CORO2B: variants seen among roughly 807,000 people sequenced by gnomAD.
CORO2B encodes the protein coronin-2B.
A neutral mutation model predicts 58.8 loss-of-function variants in CORO2B; 26 were observed. The ratio of observed to expected loss-of-function variants is 0.44; its 90% CI spans 0.32 to 0.61. CORO2B has a LOEUF of 0.61. Ranked by LOEUF, CORO2B falls within the 20% of genes least tolerant of loss-of-function variation. The pLI, the probability that CORO2B is intolerant of heterozygous loss-of-function variation, is 0.04. For synonymous variants in CORO2B, 242 were observed against 253.8 expected (o/e 0.95, Z 0.44); for missense variants, 460 against 645.1 (o/e 0.71, Z 3.11).
At chr15:68,562,847 G>A in the CORO2B span, among the ~76,000 whole-genome samples, 89 of 151,860 alleles carry the variant, frequency 5.9e-4, no homozygotes, top group Non-Finnish European at 2.4e-4. Flanking sequence ...CGTGGTGGCA[G>A]GCGCCGGTAG....
intron 3 of CORO2B, among the ~76,000 whole-genome samples, chr15:68,700,895 GGTGGGCCGA>G (rs1213014094): frequency 6.6e-6 from 1 of 152,110 alleles, no homozygotes; most frequent in African/African-American, 2.4e-5. Context: ...GCCTCTTGCT[GGTGGGCCGA>G]GCTCCACATC....
intron 2 of CORO2B, among the ~76,000 whole-genome samples, chr15:68,683,803 G>A (rs1354738577): frequency 6.6e-6 from 1 of 152,198 alleles, no homozygotes; most frequent in Non-Finnish European, 1.5e-5. Context: ...TCACAGCCTG[G>A]TGGCAGGGAT....
intron 1 of CORO2B, among the ~76,000 whole-genome samples, chr15:68,585,646 C>T (rs934177017): frequency 6.6e-6 from 1 of 152,166 alleles, no homozygotes; most frequent in Non-Finnish European, 1.5e-5. Context: ...TCCCCACCAA[C>T]CCCCCACCTA....
At chr15:68,673,866 G>A (rs913677022) in intron 2 of CORO2B, among the ~76,000 whole-genome samples, 7 of 146,652 alleles carry the variant, frequency 4.8e-5, no homozygotes, top group African/African-American at 1.7e-4. Context: ...AAAGGACAGT[G>A]TCCCGCTAAG....
At chr15:68,557,094 C>T in the CORO2B span, among the ~76,000 whole-genome samples, 3 of 152,174 alleles carry the variant, frequency 2.0e-5, no homozygotes, top group South Asian at 2.1e-4. Flanking sequence ...AATGTCCCCT[C>T]GGGTAAGAAA....
At chr15:68,612,192 C>G (rs551248243) in intron 1 of CORO2B, among the ~76,000 whole-genome samples, 2 of 152,194 alleles carry the variant, frequency 1.3e-5, no homozygotes, top group African/African-American at 4.8e-5. Flanking sequence ...ATCTTAGAAG[C>G]TCTGGATGCA....
intron 3 of CORO2B, among the ~76,000 whole-genome samples, chr15:68,708,357 C>CTTTTTTTTTTTTTTTTTT (rs921103212): frequency 1.7e-5 from 2 of 114,966 alleles, no homozygotes; most frequent in African/African-American, 6.2e-5. Flanking sequence ...TTTTTTTCTT[C>CTTTTTTTTTTTTTTTTTT]TTTTTTTTTT....
At chr15:68,717,371 G>A (rs185201538) in intron 8 of CORO2B, among the ~76,000 whole-genome samples, 90 of 152,274 alleles carry the variant, frequency 5.9e-4, no homozygotes, top group Middle Eastern at 3.4e-3. Context: ...GGAGGGGCAG[G>A]AGGAAGACAG....
chr15:68,723,178 A>G (rs1421381322), intron 11 of CORO2B, among the ~76,000 whole-genome samples: 1 of 138,114 alleles, frequency 7.2e-6, no homozygotes, highest in Non-Finnish European at 1.5e-5. Flanking sequence ...CTGGGGTACA[A>G]TGGCACAATC....
At chr15:68,597,637 A>T (rs12904959) in intron 1 of CORO2B, among the ~76,000 whole-genome samples, 36,586 of 151,364 alleles carry the variant, frequency 0.24, 4,841 homozygotes, top group Middle Eastern at 0.37. Context: ...CAAAAAAAAA[A>T]AAATAAATAA....
chr15:68,630,250 G>A (rs750432955), intron 1 of CORO2B, among the ~76,000 whole-genome samples: 21 of 152,160 alleles, frequency 1.4e-4, no homozygotes, highest in Non-Finnish European at 2.2e-4. Context: ...TGGGGTGGTC[G>A]TGTGCAACGG....
chr15:68,521,637 A>G, the CORO2B span, among the ~76,000 whole-genome samples: 1 of 151,972 alleles, frequency 6.6e-6, no homozygotes, highest in African/African-American at 2.4e-5. Context: ...AGAATCCTAG[A>G]TTGTCAATTA....
intron 1 of CORO2B, among the ~76,000 whole-genome samples, chr15:68,630,921 T>C (rs1181757286): frequency 6.6e-6 from 1 of 152,158 alleles, no homozygotes; most frequent in African/African-American, 2.4e-5. Flanking sequence ...GAAAGAACTT[T>C]TCTTATGTCT....
intron 5 of CORO2B, 95 bp from the exon 6 acceptor site, chr15:68,713,830 G>C: frequency 1.2e-6 from 1 of 806,256 alleles, no homozygotes; most frequent in Non-Finnish European, 2.1e-6. Context: ...CCAGGGCTGA[G>C]GACATGGGTG....
intron 2 of CORO2B, among the ~76,000 whole-genome samples, chr15:68,694,641 G>A (rs150892472): frequency 1.4e-4 from 22 of 152,298 alleles, no homozygotes; most frequent in African/African-American, 5.1e-4. Flanking sequence ...AGAGCAGCAG[G>A]AAAGAGCCTC....
In CORO2B at chr15:68,645,383, C is replaced by A. The variant is rs1202372071; in HGVS notation, c.216+23C>A. 3 of 1,604,710 alleles carry A rather than the reference C, an allele frequency of 1.9e-6. No individual in the cohort carries two copies. Among genetic ancestry groups the A allele is most frequent in the Non-Finnish European group, 2.5e-6 (3 of 1,177,500 alleles). On this transcript the variant is annotated intron_variant, in intron 2 of 11. Transcript: ENST00000261861. The surrounding 1 kb of genome is among the most constrained non-coding windows in gnomAD (Gnocchi z 4.5). The stretch of plus-strand genomic sequence containing the variant: ...CAGGTAGGTGGCCCCTACCTTCACT[C>A]CAGCTGCAGCTCCAGGGCAGAGAGG...
the CORO2B span, among the ~76,000 whole-genome samples, chr15:68,540,524 A>G: frequency 6.6e-6 from 1 of 152,226 alleles, no homozygotes; most frequent in Non-Finnish European, 1.5e-5. Flanking sequence ...CCAGTGTTCA[A>G]TGAAAAATGT....
At position 68,716,874 on chromosome 15, in the gene CORO2B, G is replaced by C. The variant is rs190080401; in HGVS notation, c.967+1563G>C. Among the ~76,000 whole-genome samples the C allele has an allele frequency of 1.5e-4, 23 of 151,782 alleles. No individual in the cohort carries two copies. The East Asian group carries it at 4.3e-3, about 28-fold the overall frequency. ...AGGATGTTAGGAGACCATCGGAGAG[G>C]GGGGCAGGGGCTAAATCCATGGGAT... On this transcript the variant is annotated intron_variant, in intron 8 of 11. Coordinates refer to ENST00000261861, the MANE Select transcript of CORO2B (RefSeq NM_006091.5).
intron 1 of CORO2B, among the ~76,000 whole-genome samples, chr15:68,628,808 C>G (rs565998498): frequency 1.3e-5 from 2 of 152,316 alleles, no homozygotes; most frequent in South Asian, 4.1e-4. Context: ...CCCAGCCTCT[C>G]CATTCATTCC....
Sources: gnomAD v4.1 joint callset for allele counts (sites outside exome capture counted in the v4.1 genomes callset) on GRCh38, gnomAD v4.1.1 for gene constraint, Gnocchi (gnomAD v3.1) non-coding constraint, MANE v1.5 for transcripts, NCBI Gene and HGNC (gene_info 2026-07-23, HGNC 2026-07-21) for gene names.